UBTF: variants seen among roughly 807,000 people sequenced by gnomAD.
UBTF encodes the protein upstream binding transcription factor, also known as nucleolar transcription factor 1.
UBTF carries 8 observed loss-of-function variants against 112.3 expected under a neutral mutation model. The ratio of observed to expected loss-of-function variants is 0.07; its 90% CI spans 0.04 to 0.13. The LOEUF is 0.13. Ranked by LOEUF, UBTF falls within the 10% of genes least tolerant of loss-of-function variation. The pLI is 1.00. For synonymous variants in UBTF, 417 were observed against 373.1 expected (o/e 1.12, Z -1.36); for missense variants, 457 against 982.1 (o/e 0.47, Z 7.15).
intron 7 of UBTF, 114 bp downstream of exon 7, chr17:44,212,705 C>A: frequency 6.5e-7 from 1 of 1,543,620 alleles, no homozygotes; most frequent in South Asian, 1.2e-5. Flanking sequence ...CAGCCCACCC[C>A]TGGGGAGGGG....
intron 5 of UBTF, among the ~76,000 whole-genome samples, chr17:44,215,154 G>A (rs989363051): frequency 6.6e-6 from 1 of 152,238 alleles, no homozygotes; most frequent in Non-Finnish European, 1.5e-5. Context: ...GCACTGGACT[G>A]GGACTCTGGG....
chr17:44,209,173 T>TAAA, intron 17 of UBTF, 179 bp downstream of exon 17: 7 of 539,740 alleles, frequency 1.3e-5, no homozygotes, highest in Non-Finnish European at 1.5e-5. Context: ...TCTCAAAAAA[T>TAAA]AAAAAAAAAA....
At chr17:44,218,397 G>C (rs574182116) in intron 1 of UBTF, 101 bp from the exon 2 acceptor site, 8 of 674,278 alleles carry the variant, frequency 1.2e-5, no homozygotes, top group African/African-American at 9.1e-5. Context: ...CACACTCTGA[G>C]AGACTCAGCC....
At chr17:44,213,394 C>T in intron 5 of UBTF, 112 bp from the exon 6 acceptor site, 1 of 1,217,620 alleles carries the variant, frequency 8.2e-7, no homozygotes, top group Non-Finnish European at 1.1e-6. Flanking sequence ...CGCTGTGATG[C>T]AGGGAGTGGA....
chr17:44,218,043 T>C lies in UBTF; in HGVS notation c.58+129A>G, dbSNP rs1567809428. 4.2e-6 allele frequency: 4 copies of C among 959,220 alleles called. No individual in the cohort carries two copies. The East Asian group carries it at 9.8e-5, about 24-fold the overall frequency. 59.4% of individuals were successfully genotyped at this position (959,220 alleles called of 1,614,324 possible). A position where few individuals can be genotyped will look rare whatever the true frequency, so the allele number is the denominator to read the frequency against. On this transcript the variant is annotated intron_variant, in intron 2 of 20. Coordinates refer to ENST00000436088, the MANE Select transcript of UBTF (RefSeq NM_014233.4). ...GTGTGGGAGATGCTTGATTCATAAA[T>C]ACTCAAGGCACTTTCTCCCCCAGTT... is the stretch of plus-strand genomic sequence containing the variant.
intron 15 of UBTF, 122 bp from the exon 16 acceptor site, chr17:44,209,855 G>A (rs910936339): frequency 1.0e-5 from 11 of 1,076,328 alleles, no homozygotes; most frequent in Non-Finnish European, 1.4e-5. Context: ...AGGAGAAACA[G>A]GTAGCTAGTG....
In UBTF at chr17:44,213,075, C is replaced by T; in HGVS notation, c.540-136G>A. ...ACGGTGGCTGCCTGCCTGTCTCTGT[C>T]CCTGAGCATGACACACTAGGGCTCA... On this transcript the variant is annotated intron_variant, in intron 6 of 20. Coordinates refer to ENST00000436088, the MANE Select transcript of UBTF (RefSeq NM_014233.4). The T allele has an allele frequency of 3.2e-6, 5 of 1,540,682 alleles. No individual in the cohort carries two copies. The South Asian group carries it at 6.2e-5, about 19-fold the overall frequency.
intron 17 of UBTF, chr17:44,208,486 CT>C: frequency 6.6e-6 from 1 of 150,860 alleles, no homozygotes; most frequent in South Asian, 1.9e-4. Flanking sequence ...TTCCCTGTTG[CT>C]TTTCGCAAAT....
intron 1 of UBTF, among the ~76,000 whole-genome samples, chr17:44,218,763 C>A (rs939428966): frequency 2.0e-5 from 3 of 151,404 alleles, no homozygotes; most frequent in Non-Finnish European, 4.4e-5. Context: ...CGGTTCCCCC[C>A]GCCTCCGCAA....
rs772879653 is a variant in UBTF at position 44,218,152 on chromosome 17, C to T, written c.58+20G>A. 1.2e-6 allele frequency: 2 copies of T among 1,610,954 alleles called. No individual in the cohort carries two copies. Among genetic ancestry groups the T allele is most frequent in the Admixed American group, 1.7e-5 (1 of 59,782 alleles). ...GAAAGAGGGTTTAAGTTTCAGAGGG[C>T]CGGGGGTGGATGCCCCTACCTTGGC... On this transcript the variant is annotated intron_variant, in intron 2 of 20. Transcript: ENST00000436088.
chr17:44,220,086 G>GA, upstream of UBTF, among the ~76,000 whole-genome samples: 1 of 43,376 alleles, frequency 2.3e-5, no homozygotes, highest in South Asian at 4.7e-4. Flanking sequence ...CGCCGGGGAA[G>GA]GGGGGGGGGG....
In UBTF at chr17:44,207,328, C is replaced by T; in HGVS notation, c.2209G>A (p.Asp737Asn). The T allele has an allele frequency of 6.2e-7, 1 of 1,612,670 alleles. No homozygotes were observed. The highest frequency in any genetic ancestry group is 1.1e-5 in the South Asian group (1 of 90,794). Residue 737 changes from aspartate to asparagine, a missense_variant, in exon 21 of 21, where the codon GAC becomes AAC. By Grantham distance (23) the Asp-to-Asn change is conservative (BLOSUM62 1). Coordinates refer to ENST00000436088, the MANE Select transcript of UBTF (RefSeq NM_014233.4). ...GACTCATTATCTTCATCCTCATCGT[C>T]ATCCTCGTCGTCGTCTTCGTCCTCG... ...DDEDEDDDEDDDEDEDNESEG... is the reference protein window; with the variant it reads ...DDEDEDDDEDNDEDEDNESEG...
rs199894723 is a variant in UBTF at position 44,215,939 on chromosome 17, A to G, written c.285T>C (p.His95=). 1 of 1,614,114 alleles carries G rather than the reference A, an allele frequency of 6.2e-7. No individual in the cohort carries two copies. The part of the protein sequence containing the change: ...LTELILDAQE[H]VKNPYKGKKL... ...TTTTGCCTTTGTAAGGATTTTTAAC[A>G]TGTTCCTGAGCATCGAGGATCAATT... Residue 95 remains histidine (H), a synonymous_variant, in exon 4 of 21, where the codon CAT becomes CAC. Coordinates refer to ENST00000436088, the MANE Select transcript of UBTF (RefSeq NM_014233.4).
intron 5 of UBTF, chr17:44,215,415 G>T: frequency 1.9e-6 from 1 of 537,486 alleles, no homozygotes; most frequent in Non-Finnish European, 3.3e-6. Context: ...TTTTCTGTAG[G>T]GGGAAAGGTT....
chr17:44,218,200 G>T lies in UBTF; in HGVS notation c.30C>A (p.Asp10Glu), dbSNP rs140790168. 3.7e-5 allele frequency: 60 copies of T among 1,612,652 alleles called. No homozygotes were observed. In the African/African-American group the frequency reaches 6.9e-4, roughly 19 times the overall value. The change falls in exon 2 of 21, where the codon GAC (aspartate) becomes GAA (glutamate). Residue 10 changes from aspartate to glutamate, a missense_variant. By Grantham distance (45) the Asp-to-Glu change is conservative. Coordinates refer to ENST00000436088, the MANE Select transcript of UBTF (RefSeq NM_014233.4). MNGEADCPTDLEMAAPKGQD... is the reference protein window; with the variant it reads MNGEADCPTELEMAAPKGQD... Reference sequence around the variant, plus strand: ...GGCCTTTGGGGGCGGCCATTTCCAGGTCTGTGGGGCAGTCGGCTTCTCCGT... The same window carrying T: ...GGCCTTTGGGGGCGGCCATTTCCAGTTCTGTGGGGCAGTCGGCTTCTCCGT...
In UBTF at chr17:44,210,810, G is replaced by A. The variant is rs771027354; in HGVS notation, c.1341C>T (p.Asp447=). Residue 447 remains aspartate (D), a synonymous_variant, in exon 13 of 21, where the codon GAC becomes GAT. Coordinates refer to ENST00000436088, the MANE Select transcript of UBTF (RefSeq NM_014233.4). ...GCCTGACCTTCTTCTTCTCAGACAG[G>A]TCGTTCCACATTCGGGCCAGCAGGC... ...LTRLLARMWN[D]LSEKKKAKYK... is the part of the protein sequence containing the mutation. The A allele has an allele frequency of 1.9e-6, 3 of 1,567,430 alleles. No individual in the cohort carries two copies. Among genetic ancestry groups the A allele is most frequent in the Admixed American group, 1.9e-5 (1 of 53,524 alleles).
chr17:44,207,653 C>T (rs1449073266), intron 19 of UBTF, 46 bp downstream of exon 19: 4 of 1,614,056 alleles, frequency 2.5e-6, no homozygotes, highest in Admixed American at 1.7e-5. Flanking sequence ...CCATTCCAGG[C>T]AGTGCCCCCC....
intron 17 of UBTF, among the ~76,000 whole-genome samples, chr17:44,208,414 T>A (rs1352596830): frequency 2.0e-5 from 3 of 152,218 alleles, no homozygotes; most frequent in Non-Finnish European, 2.9e-5. Context: ...CAAACCCTAG[T>A]ATTTCTGCTT....
At chr17:44,210,525 G>A (rs2056590769) in intron 13 of UBTF, 52 bp from the exon 14 acceptor site, 2 of 1,503,288 alleles carry the variant, frequency 1.3e-6, no homozygotes, top group Non-Finnish European at 1.8e-6. Flanking sequence ...GGGGGCGCGC[G>A]CTCCCCGCGC....
Sources: gnomAD v4.1 joint callset for allele counts (sites outside exome capture counted in the v4.1 genomes callset) on GRCh38, gnomAD v4.1.1 for gene constraint, MANE v1.5 for transcripts, NCBI Gene and HGNC (gene_info 2026-07-23, HGNC 2026-07-21) for gene names.